The following PKN2 variants were observed in gnomAD, a reference collection of about 807,000 sequenced individuals.
PKN2 encodes the protein serine/threonine-protein kinase N2.
PKN2 carries 38 observed loss-of-function variants against 119.1 expected under a neutral mutation model. The observed-to-expected ratio is 0.32, with a 90% CI of 0.25 to 0.42. The LOEUF (loss-of-function observed/expected upper bound fraction) is 0.42, where lower values mean the gene tolerates loss of function less well. Among genes scored for constraint, PKN2 ranks in the 10% least tolerant of loss-of-function variants. PKN2 has a pLI of 1.00. For missense variants in PKN2, 850 were observed against 1,165.1 expected (o/e 0.73, Z 3.94); for synonymous variants, 390 against 384.9 (o/e 1.01, Z -0.15).
chr1:88,729,031 A>G (rs925515294), intron 1 of PKN2, among the ~76,000 whole-genome samples: 2 of 151,140 alleles, frequency 1.3e-5, no homozygotes, highest in Admixed American at 1.3e-4. Context: ...AGTAGCTGGG[A>G]TTACAGGCAT....
At chr1:88,697,103 T>C (rs1443559667) in intron 1 of PKN2, among the ~76,000 whole-genome samples, 1 of 152,126 alleles carries the variant, frequency 6.6e-6, no homozygotes, top group Admixed American at 6.6e-5. Context: ...ATTAATAAAT[T>C]TAGGGAATTG....
intron 16 of PKN2, among the ~76,000 whole-genome samples, chr1:88,820,234 A>ATATATATATATG (rs1672215830): frequency 9.6e-6 from 1 of 104,230 alleles, no homozygotes; most frequent in African/African-American, 4.8e-5. Flanking sequence ...ATATATATAT[A>ATATATATATATG]AATAGAAAAA....
chr1:88,758,565 T>C (rs1217767761), intron 2 of PKN2, among the ~76,000 whole-genome samples: 1 of 152,138 alleles, frequency 6.6e-6, no homozygotes, highest in Non-Finnish European at 1.5e-5. Flanking sequence ...CAGTGACTGT[T>C]GTTCTCCTCT....
Position 88,805,592 on chromosome 1 carries a change from A to T in PKN2, c.1597A>T (p.Thr533Ser), listed in dbSNP as rs979679980. Residue 533 changes from threonine to serine, a missense_variant, in exon 11 of 22, where the codon ACC (threonine) becomes TCC (serine). By Grantham distance (58) the Thr-to-Ser change is moderately conservative (BLOSUM62 1). Transcript: ENST00000370521. ...TATTCCTACAGTAAATCATTCTGGC[A>T]CCTTCAGCCCTCAAGCTCCTGTGCC... ...RAIPTVNHSGTFSPQAPVPTT... is the reference protein window; with the variant it reads ...RAIPTVNHSGSFSPQAPVPTT... The T allele has an allele frequency of 6.2e-7, 1 of 1,613,964 alleles. No individual in the cohort carries two copies. The highest frequency in any genetic ancestry group is 1.3e-5 in the African/African-American group (1 of 74,904).
intron 15 of PKN2, among the ~76,000 whole-genome samples, chr1:88,809,873 A>C (rs1671710131): frequency 6.6e-6 from 1 of 151,926 alleles, no homozygotes; most frequent in African/African-American, 2.4e-5. Context: ...GGCCTCCCGA[A>C]GTGTTGTGAT....
At chr1:88,712,234 C>T (rs918417008) in intron 1 of PKN2, among the ~76,000 whole-genome samples, 1 of 152,018 alleles carries the variant, frequency 6.6e-6, no homozygotes, top group Non-Finnish European at 1.5e-5. Flanking sequence ...GAAAGAGTAG[C>T]TTGCTCTTTA....
At chr1:88,686,663 G>A (rs921999417) in intron 1 of PKN2, among the ~76,000 whole-genome samples, 3 of 152,028 alleles carry the variant, frequency 2.0e-5, no homozygotes, top group Admixed American at 6.5e-5. Flanking sequence ...AAACTTTATC[G>A]TGTTTATTAA....
chr1:88,713,134 A>G (rs1173697387), intron 1 of PKN2, among the ~76,000 whole-genome samples: 1 of 152,186 alleles, frequency 6.6e-6, no homozygotes, highest in African/African-American at 2.4e-5. Flanking sequence ...ATAGTATTCC[A>G]TGGTGTATAT....
At chr1:88,748,614 G>A (rs1668864643) in intron 2 of PKN2, among the ~76,000 whole-genome samples, 2 of 152,136 alleles carry the variant, frequency 1.3e-5, no homozygotes, top group Non-Finnish European at 2.9e-5. Context: ...TAGGGTTGCT[G>A]AGTCATGTGG....
At chr1:88,812,655 G>C (rs1671824052) in intron 15 of PKN2, among the ~76,000 whole-genome samples, 1 of 152,104 alleles carries the variant, frequency 6.6e-6, no homozygotes, top group African/African-American at 2.4e-5. Flanking sequence ...AGGTTCACTT[G>C]AGCCTAGGAG....
At chr1:88,781,651 C>T (rs926029362) in intron 6 of PKN2, among the ~76,000 whole-genome samples, 1 of 151,966 alleles carries the variant, frequency 6.6e-6, no homozygotes, top group East Asian at 1.9e-4. Context: ...TAAAGAACTC[C>T]CTCTAGATTT....
chr1:88,810,912 T>G (rs1238159593), intron 15 of PKN2, among the ~76,000 whole-genome samples: 1 of 152,150 alleles, frequency 6.6e-6, no homozygotes, highest in Non-Finnish European at 1.5e-5. Flanking sequence ...TGGCCTACTT[T>G]ATGATTCTTA....
intron 2 of PKN2, among the ~76,000 whole-genome samples, chr1:88,748,114 T>C (rs1570571957): frequency 6.6e-6 from 1 of 152,270 alleles, no homozygotes. Context: ...AAAGTTAATG[T>C]GTAGTAAAAT....
At chr1:88,714,045 T>A (rs1485688528) in intron 1 of PKN2, among the ~76,000 whole-genome samples, 1 of 152,218 alleles carries the variant, frequency 6.6e-6, no homozygotes, top group Non-Finnish European at 1.5e-5. Context: ...GGGAATCCTT[T>A]CTCCATTTCT....
intron 6 of PKN2, among the ~76,000 whole-genome samples, chr1:88,778,880 AT>A: frequency 6.6e-6 from 1 of 151,940 alleles, no homozygotes; most frequent in Middle Eastern, 3.4e-3. Flanking sequence ...TGCCTAGCTA[AT>A]TTTTTGTATT....
intron 1 of PKN2, among the ~76,000 whole-genome samples, chr1:88,700,923 G>T (rs1250196263): frequency 1.3e-5 from 2 of 151,974 alleles, no homozygotes. Context: ...TTTTATTTTG[G>T]TATTTATGAG....
chr1:88,830,108 A>C (rs1672672618), intron 19 of PKN2, among the ~76,000 whole-genome samples: 1 of 152,146 alleles, frequency 6.6e-6, no homozygotes, highest in African/African-American at 2.4e-5. Flanking sequence ...GTGTAAATAG[A>C]GACACAAAGA....
intron 1 of PKN2, among the ~76,000 whole-genome samples, chr1:88,693,154 A>G (rs905686879): frequency 2.6e-5 from 4 of 152,202 alleles, no homozygotes; most frequent in Non-Finnish European, 4.4e-5. Context: ...GTTGCAAACT[A>G]CTTATTATTA....
At chr1:88,689,697 A>G (rs1490815811) in intron 1 of PKN2, among the ~76,000 whole-genome samples, 3 of 152,040 alleles carry the variant, frequency 2.0e-5, no homozygotes, top group African/African-American at 4.8e-5. Context: ...TGTAATCCCA[A>G]CTACTTGGGA....
Sources: allele counts gnomAD v4.1 joint callset (sites outside exome capture counted in the v4.1 genomes callset), GRCh38; gene constraint gnomAD v4.1.1; transcripts MANE v1.5; gene names NCBI Gene and HGNC (gene_info 2026-07-23, HGNC 2026-07-21).